The following SEMA3A variants were observed in gnomAD, a reference collection of about 807,000 sequenced individuals.
SEMA3A encodes the protein semaphorin 3A.
Under a neutral mutation model 97.9 loss-of-function variants are expected in SEMA3A, and 29 were observed. That is an observed-to-expected ratio of 0.30 (90% CI 0.22 to 0.40). SEMA3A has a LOEUF of 0.40. SEMA3A is among the 10% of genes least tolerant of loss of function. The pLI, the probability that SEMA3A is intolerant of heterozygous loss-of-function variation, is 1.00. For synonymous variants in SEMA3A, 321 were observed against 323.7 expected (o/e 0.99, Z 0.09); for missense variants, 763 against 951.3 (o/e 0.80, Z 2.60).
At chr7:84,464,030 A>G (rs904335837) in intron 1 of SEMA3A, among the ~76,000 whole-genome samples, 2 of 152,172 alleles carry the variant, frequency 1.3e-5, no homozygotes, top group African/African-American at 4.8e-5. Flanking sequence ...AATGTTACTC[A>G]TACTTTGACA....
At chr7:83,986,689 T>C (rs1436928636) in intron 12 of SEMA3A, among the ~76,000 whole-genome samples, 1 of 152,136 alleles carries the variant, frequency 6.6e-6, no homozygotes, top group Non-Finnish European at 1.5e-5. Context: ...GACCTCACTG[T>C]GTAGGTGACC....
intron 1 of SEMA3A, among the ~76,000 whole-genome samples, chr7:84,458,941 C>T (rs923781860): frequency 5.9e-5 from 9 of 151,954 alleles, no homozygotes; most frequent in African/African-American, 2.2e-4. Flanking sequence ...CATTAGCCAA[C>T]TCCTCTTCAT....
intron 3 of SEMA3A, among the ~76,000 whole-genome samples, chr7:84,286,329 A>T (rs961733540): frequency 1.3e-5 from 2 of 152,206 alleles, no homozygotes; most frequent in African/African-American, 4.8e-5. Flanking sequence ...TGTAGAACAG[A>T]TCAAGAGTAA....
In SEMA3A at chr7:83,958,323, TA is replaced by T; in HGVS notation, c.*3047del. Reference sequence around the variant, plus strand: ...TAACACCATATGTTATAGGGAACAGTAAAGACATCTGAATTCAAATATTTTG... The same window carrying T: ...TAACACCATATGTTATAGGGAACAGTAAGACATCTGAATTCAAATATTTTG... On this transcript the variant is annotated 3_prime_UTR_variant, in exon 17 of 17. Coordinates refer to ENST00000265362, the MANE Select transcript of SEMA3A (RefSeq NM_006080.3). 6.6e-6 allele frequency: 1 copy of T among 152,628 alleles called. No individual in the cohort carries two copies. Among genetic ancestry groups the T allele is most frequent in the East Asian group, 1.9e-4 (1 of 5,184 alleles). The allele number at this position is 152,628 out of a possible 1,614,324, so 9.5% of individuals were successfully genotyped here.
intron 4 of SEMA3A, among the ~76,000 whole-genome samples, chr7:84,078,246 C>G (rs985059286): frequency 1.3e-5 from 2 of 151,780 alleles, no homozygotes; most frequent in Non-Finnish European, 2.9e-5. Flanking sequence ...TGAATCTAGC[C>G]CAGAGACATG....
At chr7:83,978,331 C>T (rs1789252965) in intron 14 of SEMA3A, among the ~76,000 whole-genome samples, 1 of 152,226 alleles carries the variant, frequency 6.6e-6, no homozygotes, top group South Asian at 2.1e-4. Context: ...CCCCAGATCA[C>T]ATGTGAGCTG....
At chr7:83,995,472 T>C (rs1448271637) in intron 12 of SEMA3A, among the ~76,000 whole-genome samples, 1 of 152,196 alleles carries the variant, frequency 6.6e-6, no homozygotes, top group African/African-American at 2.4e-5. Flanking sequence ...AGGAAACTTA[T>C]TTATTATTTA....
At chr7:84,062,795 A>G (rs1793297398) in intron 4 of SEMA3A, among the ~76,000 whole-genome samples, 3 of 152,162 alleles carry the variant, frequency 2.0e-5, no homozygotes, top group South Asian at 2.1e-4. Context: ...GCTGATTGCT[A>G]GCACAGCAGT....
chr7:84,010,316 C>T (rs1238356636), intron 9 of SEMA3A, among the ~76,000 whole-genome samples: 1 of 152,100 alleles, frequency 6.6e-6, no homozygotes, highest in East Asian at 1.9e-4. Flanking sequence ...TTTTAAATTA[C>T]CTAAAAGCAA....
chr7:84,196,411 G>A (rs894168667), upstream of SEMA3A, among the ~76,000 whole-genome samples: 1 of 151,670 alleles, frequency 6.6e-6, no homozygotes, highest in South Asian at 2.1e-4. Context: ...TTGGATGTGT[G>A]GCTTGTGTGA....
At chr7:84,469,346 A>G (rs1412830184) in intron 1 of SEMA3A, among the ~76,000 whole-genome samples, 4 of 152,170 alleles carry the variant, frequency 2.6e-5, no homozygotes, top group Admixed American at 6.5e-5. Flanking sequence ...TATAGTTTCC[A>G]TAAGTTTTAC....
chr7:83,976,674 A>G (rs1789161322), intron 15 of SEMA3A, among the ~76,000 whole-genome samples: 1 of 151,878 alleles, frequency 6.6e-6, no homozygotes, highest in African/African-American at 2.4e-5. Context: ...TATCCACATT[A>G]TCTTCTGCTT....
intron 2 of SEMA3A, among the ~76,000 whole-genome samples, chr7:84,368,702 TG>T (rs1802906976): frequency 6.6e-6 from 1 of 150,940 alleles, no homozygotes; most frequent in Admixed American, 6.6e-5. Context: ...ATAAAATGCA[TG>T]TTAATTCTAT....
At chr7:84,090,789 G>A (rs117689619) in intron 4 of SEMA3A, among the ~76,000 whole-genome samples, 4,076 of 152,002 alleles carry the variant, frequency 0.027, 85 homozygotes, top group South Asian at 0.071. Flanking sequence ...TAGGTTGGCC[G>A]GGCGTGGTGG....
intron 1 of SEMA3A, among the ~76,000 whole-genome samples, chr7:84,404,234 C>G (rs908626638): frequency 2.6e-5 from 4 of 152,102 alleles, no homozygotes; most frequent in Non-Finnish European, 4.4e-5. Flanking sequence ...AGGACGAGAA[C>G]TACGTAATGA....
chr7:84,432,403 T>G (rs1205232893), intron 1 of SEMA3A, among the ~76,000 whole-genome samples: 1 of 152,148 alleles, frequency 6.6e-6, no homozygotes, highest in Non-Finnish European at 1.5e-5. Context: ...TCAACATTTA[T>G]TTTAGAATCA....
chr7:84,007,129 T>A (rs1392215456), intron 10 of SEMA3A, among the ~76,000 whole-genome samples: 7 of 152,172 alleles, frequency 4.6e-5, no homozygotes, highest in Non-Finnish European at 8.8e-5. Flanking sequence ...TAATTTTAGA[T>A]TTATATCTTA....
chr7:84,185,973 T>A (rs1395154067), intron 1 of SEMA3A, among the ~76,000 whole-genome samples: 1 of 152,110 alleles, frequency 6.6e-6, no homozygotes, highest in Non-Finnish European at 1.5e-5. Flanking sequence ...TCCCTCCTGA[T>A]CTCACTGTCA....
At chr7:84,065,752 AG>A (rs1297956411) in intron 4 of SEMA3A, among the ~76,000 whole-genome samples, 1 of 152,130 alleles carries the variant, frequency 6.6e-6, no homozygotes, top group Non-Finnish European at 1.5e-5. Context: ...GACCAATAAC[AG>A]GGTCTGAAAT....
Sources: allele counts gnomAD v4.1 joint callset (sites outside exome capture counted in the v4.1 genomes callset), GRCh38; gene constraint gnomAD v4.1.1; transcripts MANE v1.5; gene names NCBI Gene and HGNC (gene_info 2026-07-23, HGNC 2026-07-21).